The following BLTP1 variants were observed in gnomAD, a reference collection of about 807,000 sequenced individuals.
The protein encoded by BLTP1 is fragile site-associated protein.
the BLTP1 span, chr4:122,347,080 A>G: frequency 1.0e-6 from 1 of 958,696 alleles, no homozygotes. Context: ...TTCTATAATG[A>G]TTACTCTGTA....
At chr4:122,168,845 A>G in the BLTP1 span, among the ~76,000 whole-genome samples, 1 of 152,176 alleles carries the variant, frequency 6.6e-6, no homozygotes, top group Non-Finnish European at 1.5e-5. Context: ...TTTTCTTAAG[A>G]GATGTTTAAT....
the BLTP1 span, chr4:122,344,848 C>T: frequency 3.0e-6 from 3 of 984,574 alleles, no homozygotes; most frequent in Non-Finnish European, 3.6e-6. Context: ...TGAATTGGTA[C>T]AGTTTCTTTT....
the BLTP1 span, chr4:122,279,875 A>G: frequency 6.2e-7 from 1 of 1,614,134 alleles, no homozygotes; most frequent in African/African-American, 1.3e-5. Context: ...AGGAGCTATC[A>G]GTATCAACAT....
At chr4:122,314,533 G>T in the BLTP1 span, among the ~76,000 whole-genome samples, 1 of 152,120 alleles carries the variant, frequency 6.6e-6, no homozygotes, top group Non-Finnish European at 1.5e-5. Flanking sequence ...AAATTGGACA[G>T]GGACAGGGTG....
the BLTP1 span, chr4:122,346,458 A>G: frequency 8.1e-6 from 8 of 984,878 alleles, no homozygotes; most frequent in African/African-American, 1.7e-5. Flanking sequence ...TGGTACTAAC[A>G]GTGTTAGAAT....
the BLTP1 span, chr4:122,279,672 C>G: frequency 2.3e-6 from 3 of 1,311,192 alleles, no homozygotes; most frequent in South Asian, 1.6e-5. Context: ...TTTTGAAGAC[C>G]TCTCAAATTT....
chr4:122,341,649 A>G, the BLTP1 span: 1 of 960,914 alleles, frequency 1.0e-6, no homozygotes, highest in Non-Finnish European at 1.2e-6. Flanking sequence ...ATCATTATTT[A>G]TTCAAGGAAT....
the BLTP1 span, among the ~76,000 whole-genome samples, chr4:122,218,241 A>C: frequency 5.9e-5 from 9 of 152,080 alleles, no homozygotes; most frequent in African/African-American, 2.2e-4. Context: ...TAAAAATTCA[A>C]TGTTGGAATT....
chr4:122,286,123 G>A, the BLTP1 span, among the ~76,000 whole-genome samples: 10 of 152,140 alleles, frequency 6.6e-5, no homozygotes, highest in Non-Finnish European at 1.5e-4. Flanking sequence ...CACTGAATCA[G>A]GATCAGTAGA....
the BLTP1 span, chr4:122,302,395 C>T: frequency 4.9e-6 from 1 of 203,404 alleles, no homozygotes; most frequent in African/African-American, 2.4e-5. Flanking sequence ...CATATATTCA[C>T]TTTCTGTGTG....
chr4:122,345,992 C>T, the BLTP1 span: 1 of 981,956 alleles, frequency 1.0e-6, no homozygotes, highest in Non-Finnish European at 1.2e-6. Flanking sequence ...GTCTATAGGA[C>T]ATTTAGGTGG....
At chr4:122,239,786 A>C in the BLTP1 span, 1 of 1,614,170 alleles carries the variant, frequency 6.2e-7, no homozygotes, top group Non-Finnish European at 8.5e-7. Context: ...TCCCATATAC[A>C]CCATCAGCAG....
the BLTP1 span, among the ~76,000 whole-genome samples, chr4:122,217,356 T>C: frequency 6.6e-6 from 1 of 151,998 alleles, no homozygotes; most frequent in African/African-American, 2.4e-5. Context: ...TGGTTCCATA[T>C]GAATTTTAGG....
chr4:122,239,979 A>G, the BLTP1 span: 5 of 1,614,192 alleles, frequency 3.1e-6, no homozygotes, highest in Non-Finnish European at 4.2e-6. Context: ...TAGGGGTTCC[A>G]TATATCACAG....
the BLTP1 span, chr4:122,195,726 T>C: frequency 7.5e-6 from 5 of 662,520 alleles, no homozygotes; most frequent in Non-Finnish European, 9.4e-6. Flanking sequence ...TAATTTTCTA[T>C]ATTTATGTGT....
At chr4:122,240,964 G>A in the BLTP1 span, among the ~76,000 whole-genome samples, 1 of 152,246 alleles carries the variant, frequency 6.6e-6, no homozygotes, top group Admixed American at 6.5e-5. Context: ...TGTGAACAAG[G>A]CACTTGATGT....
the BLTP1 span, chr4:122,194,556 T>G: frequency 1.1e-6 from 1 of 936,792 alleles, no homozygotes; most frequent in Non-Finnish European, 1.3e-6. Context: ...CTATTTAAAC[T>G]ATATTGAGAA....
chr4:122,332,641 T>TTA, the BLTP1 span, among the ~76,000 whole-genome samples: 20 of 150,784 alleles, frequency 1.3e-4, no homozygotes, highest in Non-Finnish European at 2.2e-4. Flanking sequence ...TTTTTTTTTT[T>TTA]TTATTATACT....
chr4:122,228,700 TTG>T, the BLTP1 span, among the ~76,000 whole-genome samples: 7 of 151,126 alleles, frequency 4.6e-5, no homozygotes, highest in South Asian at 2.1e-4. Flanking sequence ...CTTAGTGAAT[TTG>T]TGTGTGTGTG....
Sources: allele counts gnomAD v4.1 joint callset (sites outside exome capture counted in the v4.1 genomes callset), GRCh38; gene constraint gnomAD v4.1.1; transcripts MANE v1.5; gene names NCBI Gene and HGNC (gene_info 2026-07-23, HGNC 2026-07-21).